TRAPPC9: variants seen among roughly 807,000 people sequenced by gnomAD.
The protein encoded by TRAPPC9 is trafficking protein particle complex subunit 9, also known as IKK2 binding protein.
TRAPPC9 carries 83 observed loss-of-function variants against 124.0 expected under a neutral mutation model. That is an observed-to-expected ratio of 0.67 (90% CI 0.56 to 0.80). The LOEUF is 0.80. Ranked by LOEUF, TRAPPC9 falls within the 30% of genes least tolerant of loss-of-function variation. The pLI is 0.00. For synonymous variants in TRAPPC9, 638 were observed against 617.5 expected (o/e 1.03, Z -0.49); for missense variants, 1,302 against 1,508.3 (o/e 0.86, Z 2.27).
intron 18 of TRAPPC9, among the ~76,000 whole-genome samples, chr8:140,002,015 T>C (rs939904815): frequency 1.3e-5 from 2 of 152,166 alleles, no homozygotes; most frequent in South Asian, 4.1e-4. Context: ...GCTTATGCAT[T>C]CTACCAAGCA....
chr8:140,250,444 C>T (rs895267489), intron 16 of TRAPPC9, among the ~76,000 whole-genome samples: 1 of 152,116 alleles, frequency 6.6e-6, no homozygotes, highest in Non-Finnish European at 1.5e-5. Context: ...ACACGTGGTC[C>T]CCCATTAGAT....
intron 15 of TRAPPC9, among the ~76,000 whole-genome samples, chr8:140,274,282 C>T (rs1318126756): frequency 6.6e-6 from 1 of 152,084 alleles, no homozygotes; most frequent in Non-Finnish European, 1.5e-5. Flanking sequence ...GAGTGTGCAC[C>T]AACAAGCTAC....
chr8:140,176,980 T>C (rs1356052433), intron 17 of TRAPPC9, among the ~76,000 whole-genome samples: 1 of 152,244 alleles, frequency 6.6e-6, no homozygotes, highest in Non-Finnish European at 1.5e-5. Context: ...ATCATTTGCC[T>C]ATTTTTAAAA....
intron 19 of TRAPPC9, among the ~76,000 whole-genome samples, chr8:139,963,749 C>CAAAAA (rs58224556): frequency 1.2e-4 from 13 of 107,348 alleles, no homozygotes; most frequent in South Asian, 3.3e-4. Flanking sequence ...CCAGTTCTAC[C>CAAAAA]AAAAAAAAAA....
At chr8:140,457,232 G>C (rs1353754888) in intron 1 of TRAPPC9, among the ~76,000 whole-genome samples, 1 of 152,174 alleles carries the variant, frequency 6.6e-6, no homozygotes, top group Non-Finnish European at 1.5e-5. Context: ...GCCCAGGGGC[G>C]GGGGGCTCCA....
At chr8:139,852,794 C>G (rs147174922) in intron 21 of TRAPPC9, among the ~76,000 whole-genome samples, 184 of 152,292 alleles carry the variant, frequency 1.2e-3, no homozygotes, top group Non-Finnish European at 1.8e-3. Flanking sequence ...ATGTGTGTTT[C>G]TGATTGATGA....
At chr8:139,849,662 T>A (rs780434719) in intron 21 of TRAPPC9, among the ~76,000 whole-genome samples, 2 of 152,256 alleles carry the variant, frequency 1.3e-5, no homozygotes, top group Non-Finnish European at 2.9e-5. Flanking sequence ...GGTAACACCA[T>A]CATGAGTGTG....
At chr8:140,086,369 G>A (rs918473662) in intron 17 of TRAPPC9, among the ~76,000 whole-genome samples, 1 of 152,148 alleles carries the variant, frequency 6.6e-6, no homozygotes, top group African/African-American at 2.4e-5. Flanking sequence ...AGCAGGTGAG[G>A]CAGTCGGTTG....
intron 17 of TRAPPC9, among the ~76,000 whole-genome samples, chr8:140,031,335 A>G (rs1840483886): frequency 6.6e-6 from 1 of 152,218 alleles, no homozygotes; most frequent in African/African-American, 2.4e-5. Context: ...TGAGGTTTTG[A>G]CCAGCTCTTA....
chr8:140,345,151 G>A (rs1034761514), intron 9 of TRAPPC9, among the ~76,000 whole-genome samples: 2 of 152,250 alleles, frequency 1.3e-5, no homozygotes, highest in Non-Finnish European at 2.9e-5. Context: ...TGAAGCCCCA[G>A]GGCCAGGTGA....
chr8:140,457,490 G>T, intron 1 of TRAPPC9, 149 bp downstream of exon 1: 1 of 626,400 alleles, frequency 1.6e-6, no homozygotes, highest in Non-Finnish European at 2.0e-6. Context: ...CCCGGCAGCG[G>T]ACCCGGACAG....
At chr8:140,391,750 G>A (rs991526677) in intron 7 of TRAPPC9, among the ~76,000 whole-genome samples, 4 of 150,274 alleles carry the variant, frequency 2.7e-5, no homozygotes, top group African/African-American at 9.8e-5. Flanking sequence ...AAGTGAGCAG[G>A]GCATGGTGGC....
At chr8:139,919,449 A>G in intron 19 of TRAPPC9, among the ~76,000 whole-genome samples, 1 of 152,236 alleles carries the variant, frequency 6.6e-6, no homozygotes. Context: ...GTGAATAAAC[A>G]AAAATCACTG....
chr8:140,339,085 C>G (rs1218059776), intron 9 of TRAPPC9, among the ~76,000 whole-genome samples: 1 of 150,700 alleles, frequency 6.6e-6, no homozygotes, highest in Non-Finnish European at 1.5e-5. Flanking sequence ...ACCTACAGGC[C>G]GACGGGAAAC....
At chr8:140,074,076 C>T (rs966985576) in intron 17 of TRAPPC9, among the ~76,000 whole-genome samples, 1 of 152,204 alleles carries the variant, frequency 6.6e-6, no homozygotes, top group Non-Finnish European at 1.5e-5. Context: ...CAGGTCTTTA[C>T]CGTCACAGAC....
At chr8:140,278,514 T>C (rs756903547) in intron 14 of TRAPPC9, among the ~76,000 whole-genome samples, 1 of 152,162 alleles carries the variant, frequency 6.6e-6, no homozygotes, top group Non-Finnish European at 1.5e-5. Flanking sequence ...ATCTCAAACT[T>C]GAACCACTGT....
chr8:140,440,218 C>T (rs1378130776), intron 2 of TRAPPC9, among the ~76,000 whole-genome samples: 1 of 152,160 alleles, frequency 6.6e-6, no homozygotes, highest in African/African-American at 2.4e-5. Context: ...TAAGAAAATA[C>T]AGCATCTAGC....
In TRAPPC9 at chr8:140,284,024, G is replaced by C; in HGVS notation, c.1982-3C>G. On this transcript the variant is annotated splice_polypyrimidine_tract_variant and splice_region_variant and intron_variant, in intron 13 of 22. Coordinates refer to ENST00000438773, the MANE Select transcript of TRAPPC9 (RefSeq NM_001160372.4). ...ACCGAAGACCGTGGTATGGTAACCT[G>C]GAATAGAAAAGGAACTTCTTCACTC... 1 of 1,614,000 alleles carries C rather than the reference G, an allele frequency of 6.2e-7. No individual in the cohort carries two copies. Among genetic ancestry groups the C allele is most frequent in the Non-Finnish European group, 8.5e-7 (1 of 1,179,924 alleles).
At chr8:139,787,977 T>C (rs1196140104) in intron 21 of TRAPPC9, among the ~76,000 whole-genome samples, 1 of 152,170 alleles carries the variant, frequency 6.6e-6, no homozygotes, top group East Asian at 1.9e-4. Context: ...GAAGTGAGAC[T>C]AGGAACCCCA....
Sources: gnomAD v4.1 joint callset for allele counts (sites outside exome capture counted in the v4.1 genomes callset) on GRCh38, gnomAD v4.1.1 for gene constraint, MANE v1.5 for transcripts, NCBI Gene and HGNC (gene_info 2026-07-23, HGNC 2026-07-21) for gene names.